The following ANKUB1 variants were observed in gnomAD, a reference collection of about 807,000 sequenced individuals.
The protein encoded by ANKUB1 is protein ANKUB1.
In ANKUB1, 42 loss-of-function variants were observed where a neutral mutation model predicts 49.3. The observed-to-expected ratio is 0.85, with a 90% CI of 0.67 to 1.10. The LOEUF is 1.10. ANKUB1 is among the 50% of genes least tolerant of loss of function. ANKUB1 has a pLI of 0.00. For synonymous variants in ANKUB1, 222 were observed against 231.0 expected (o/e 0.96, Z 0.35); for missense variants, 613 against 642.0 (o/e 0.95, Z 0.49).
At chr3:149,768,587 GC>G (rs34252957) in intron 4 of ANKUB1, among the ~76,000 whole-genome samples, 33,492 of 151,548 alleles carry the variant, frequency 0.22, 3,996 homozygotes, top group Middle Eastern at 0.29. Context: ...TGTTGCTCAG[GC>G]TGGAGTGCAG....
intron 2 of ANKUB1, among the ~76,000 whole-genome samples, chr3:149,780,861 T>C (rs930045386): frequency 7.2e-5 from 11 of 152,234 alleles, no homozygotes; most frequent in African/African-American, 2.4e-4. Flanking sequence ...TCTGAGAGGT[T>C]ATTCCTGGCA....
In ANKUB1 at chr3:149,768,079, C is replaced by A. The variant is rs1340041930; in HGVS notation, c.583G>T (p.Ala195Ser). 8 of 1,391,852 alleles carry A rather than the reference C, an allele frequency of 5.7e-6. No individual in the cohort carries two copies. In the East Asian group the frequency reaches 1.3e-4, roughly 22 times the overall value. 86.2% of individuals were successfully genotyped at this position (1,391,852 alleles called of 1,614,324 possible). A position where few individuals can be genotyped will look rare whatever the true frequency, so the allele number is the denominator to read the frequency against. Reference sequence around the variant, plus strand: ...CCACAAAAAGCAGCAATGTACAGGGCTACCCTTTTCTGATACCTAAATGAG... The same window carrying A: ...CCACAAAAAGCAGCAATGTACAGGGATACCCTTTTCTGATACCTAAATGAG... ...GPVLKYQKRV[A>S]LYIAAFCGYI... Residue 195 changes from alanine (A) to serine (S), a missense_variant, in exon 5 of 6, where the codon GCC (alanine) becomes TCC (serine). Transcript: ENST00000446160.
intron 2 of ANKUB1, among the ~76,000 whole-genome samples, chr3:149,789,529 C>A (rs999499785): frequency 2.0e-5 from 3 of 152,030 alleles, no homozygotes; most frequent in Admixed American, 6.6e-5. Flanking sequence ...ACATTAAAAA[C>A]GTATGTAAAT....
In ANKUB1 at chr3:149,768,391, G is replaced by A. The variant is rs77203533; in HGVS notation, c.567-296C>T. ...ATGGGGAAATACAAGGAGCTTTTAA[G>A]TCTGATCATGTACATTCTCTGAGCT... On this transcript the variant is annotated intron_variant, in intron 4 of 5. Coordinates refer to ENST00000446160, the MANE Select transcript of ANKUB1 (RefSeq NM_001144960.3). 6.6e-4 allele frequency among the ~76,000 whole-genome samples: 100 copies of A among 151,922 alleles called. 2 individuals carry two copies. In the East Asian group the frequency reaches 0.018, roughly 28 times the overall value.
chr3:149,767,670 C>T lies in ANKUB1; in HGVS notation c.992G>A (p.Ser331Asn), dbSNP rs1337008009. The change falls in exon 5 of 6, where the codon AGC becomes AAC. Residue 331 changes from serine to asparagine, a missense_variant. Physicochemically the swap from Ser to Asn is conservative, Grantham distance 46. Coordinates refer to ENST00000446160, the MANE Select transcript of ANKUB1 (RefSeq NM_001144960.3). ...LRAQSHSLHK[S>N]QFCGARVFGA... Reference sequence around the variant, plus strand: ...AAAGACCCTTGCTCCACAAAACTGGCTTTTATGAAGACTGTGACTCTGAGC... The same window carrying T: ...AAAGACCCTTGCTCCACAAAACTGGTTTTTATGAAGACTGTGACTCTGAGC... 1.3e-6 allele frequency: 2 copies of T among 1,551,606 alleles called. No homozygotes were observed. The highest frequency in any genetic ancestry group is 1.2e-5 in the South Asian group (1 of 84,060).
At chr3:149,766,817 AAGCAGCAGCAGCAGCAGCAGCAGC>A (rs11268295) in intron 5 of ANKUB1, 19,123 of 896,772 alleles carry the variant, frequency 0.021, 833 homozygotes, top group South Asian at 0.024. Context: ...GAAAAAAGAA[AAGCAGCAGCAGCAGCAGCAGCAGC>A]AGCAGCAGCA....
Position 149,780,242 on chromosome 3 carries a change from T to G in ANKUB1, c.448A>C (p.Ile150Leu). The change falls in exon 3 of 6, where the codon ATT (isoleucine) becomes CTT (leucine). Residue 150 changes from isoleucine (I) to leucine (L), a missense_variant. Transcript: ENST00000446160. Reference sequence around the variant, plus strand: ...TATCAAATATACTGGGCAGTACCAATATCAGTCTGGTAGTCCTTGAGGGTG... The same window carrying G: ...TATCAAATATACTGGGCAGTACCAAGATCAGTCTGGTAGTCCTTGAGGGTG... ...CNTLKDYQTDIGTTLRLDVWD... is the reference protein window; with the variant it reads ...CNTLKDYQTDLGTTLRLDVWD... 2 of 1,551,612 alleles carry G rather than the reference T, an allele frequency of 1.3e-6. No individual in the cohort carries two copies. The highest frequency in any genetic ancestry group is 1.7e-6 in the Non-Finnish European group (2 of 1,146,902).
At chr3:149,792,174 C>T in intron 1 of ANKUB1, 103 bp downstream of exon 1, 1 of 702,836 alleles carries the variant, frequency 1.4e-6, no homozygotes. Flanking sequence ...TCCCTGTTTG[C>T]TGAAAATGTA....
At chr3:149,764,640 CTCTT>C (rs1341790828) in intron 5 of ANKUB1, among the ~76,000 whole-genome samples, 31 of 65,158 alleles carry the variant, frequency 4.8e-4, no homozygotes, top group Non-Finnish European at 7.9e-4. Context: ...CCCTTCCTCT[CTCTT>C]TCTTTCTTTC....
At chr3:149,778,156 A>G (rs2108273031) in intron 3 of ANKUB1, among the ~76,000 whole-genome samples, 1 of 152,334 alleles carries the variant, frequency 6.6e-6, no homozygotes, top group South Asian at 2.1e-4. Flanking sequence ...TATGAAGCAT[A>G]TGAAGCAGGC....
rs1198324133 is a variant in ANKUB1 at position 149,768,095 on chromosome 3, C to T, written c.567G>A (p.Lys189=). 1 of 1,349,244 alleles carries T rather than the reference C, an allele frequency of 7.4e-7. No homozygotes were observed. Among genetic ancestry groups the T allele is most frequent in the African/African-American group, 1.5e-5 (1 of 68,372 alleles). 83.6% of individuals were successfully genotyped at this position (1,349,244 alleles called of 1,614,324 possible). Reference sequence around the variant, plus strand: ...TGTACAGGGCTACCCTTTTCTGATACCTAAATGAGTGAAACAAGTGGGGAG... The same window carrying T: ...TGTACAGGGCTACCCTTTTCTGATATCTAAATGAGTGAAACAAGTGGGGAG... ...RYLSKEGPVL[K]YQKRVALYIA... is the part of the protein sequence containing the mutation. The change falls in exon 5 of 6, where the codon AAG becomes AAA. Residue 189 remains lysine, a splice_region_variant and synonymous_variant. Transcript: ENST00000446160.
chr3:149,787,801 T>C (rs888485932), intron 2 of ANKUB1, among the ~76,000 whole-genome samples: 1 of 152,200 alleles, frequency 6.6e-6, no homozygotes, highest in South Asian at 2.1e-4. Context: ...TCTTTCTCTG[T>C]TTTTCACACA....
intron 5 of ANKUB1, among the ~76,000 whole-genome samples, chr3:149,762,841 C>T (rs980940966): frequency 1.3e-5 from 2 of 152,168 alleles, no homozygotes; most frequent in African/African-American, 4.8e-5. Context: ...CCAGCCAGTT[C>T]TTCCTTATTG....
intron 2 of ANKUB1, among the ~76,000 whole-genome samples, chr3:149,787,491 A>G (rs935038867): frequency 6.6e-6 from 1 of 152,068 alleles, no homozygotes; most frequent in East Asian, 1.9e-4. Flanking sequence ...GGGTTTTCTA[A>G]ATATACAATC....
intron 2 of ANKUB1, among the ~76,000 whole-genome samples, chr3:149,790,380 A>T (rs1718307400): frequency 6.6e-6 from 1 of 152,078 alleles, no homozygotes; most frequent in African/African-American, 2.4e-5. Context: ...TTTCATTCTT[A>T]TTGTTACTGA....
chr3:149,785,339 C>A (rs184347550), intron 2 of ANKUB1, among the ~76,000 whole-genome samples: 144 of 152,176 alleles, frequency 9.5e-4, no homozygotes, highest in African/African-American at 3.3e-3. Context: ...TATACATGTG[C>A]CATGTTGGTG....
rs1183825410 is a variant in ANKUB1, at chr3:149,767,631, C to T, written c.1031G>A (p.Gly344Glu). 29 of 1,551,656 alleles carry T rather than the reference C, an allele frequency of 1.9e-5. No individual in the cohort carries two copies. Among genetic ancestry groups the T allele is most frequent in the Non-Finnish European group, 2.4e-5 (28 of 1,146,992 alleles). Residue 344 changes from glycine (G) to glutamate (E), a missense_variant, in exon 5 of 6, where the codon GGA (glycine) becomes GAA (glutamate). Coordinates refer to ENST00000446160, the MANE Select transcript of ANKUB1 (RefSeq NM_001144960.3). The part of the protein sequence containing the change: ...CGARVFGAKV[G>E]DTVMVDGFTK... Reference sequence around the variant, plus strand: ...GAAACCATCCACCATCACAGTGTCTCCAACTTTTGCCCCAAAGACCCTTGC... The same window carrying T: ...GAAACCATCCACCATCACAGTGTCTTCAACTTTTGCCCCAAAGACCCTTGC...
At chr3:149,764,604 C>CTCCCCTTCCTTCCTTTCCCTTCCTTCCT (rs1716926156) in intron 5 of ANKUB1, among the ~76,000 whole-genome samples, 1 of 138,538 alleles carries the variant, frequency 7.2e-6, no homozygotes, top group African/African-American at 2.7e-5. Context: ...TCCTTCCTCC[C>CTCCCCTTCCTTCCTTTCCCTTCCTTCCT]TCCCTCCCTC....
chr3:149,762,066 C>A (rs1052644915), intron 5 of ANKUB1, among the ~76,000 whole-genome samples: 1 of 152,148 alleles, frequency 6.6e-6, no homozygotes, highest in East Asian at 1.9e-4. Context: ...TATTCTCTGG[C>A]TATATACTAA....
Sources: allele counts gnomAD v4.1 joint callset (sites outside exome capture counted in the v4.1 genomes callset), GRCh38; gene constraint gnomAD v4.1.1; transcripts MANE v1.5; gene names NCBI Gene and HGNC (gene_info 2026-07-23, HGNC 2026-07-21).